Variants in CFAP77 observed in about 807,000 individuals in gnomAD.
The protein encoded by CFAP77 is cilia and flagella associated protein 77.
Under a neutral mutation model 31.1 loss-of-function variants are expected in CFAP77, and 25 were observed. The observed-to-expected ratio is 0.80, with a 90% CI of 0.59 to 1.12. CFAP77 has a LOEUF of 1.12. Ranked by LOEUF, CFAP77 falls within the 50% of genes most tolerant of loss-of-function variation. The pLI is 0.00. For missense variants in CFAP77, 377 were observed against 397.3 expected (o/e 0.95, Z 0.44); for synonymous variants, 151 against 159.9 (o/e 0.94, Z 0.42).
chr9:132,498,849 C>A lies in CFAP77; in HGVS notation c.295+55C>A. ...AGAGGAGTGGGAGGGAGGCTCACCC[C>A]TCTTCACAGACCCCTTGACCTAGCT... On this transcript the variant is annotated intron_variant, in intron 2 of 5. Transcript: ENST00000393216. This position sits in a 1 kb window ranked among gnomAD's most constrained non-coding sequence, Gnocchi z 4.2. The A allele has an allele frequency of 7.7e-7, 1 of 1,292,744 alleles. No homozygotes were observed. Among genetic ancestry groups the A allele is most frequent in the Non-Finnish European group, 1.1e-6 (1 of 908,368 alleles). 80.1% of individuals were successfully genotyped at this position (1,292,744 alleles called of 1,614,324 possible).
At chr9:132,560,113 A>G (rs1852969420) in intron 5 of CFAP77, among the ~76,000 whole-genome samples, 1 of 152,252 alleles carries the variant, frequency 6.6e-6, no homozygotes, top group Non-Finnish European at 1.5e-5. Flanking sequence ...GGTGGGTTGT[A>G]CAATCCTAAG....
chr9:132,523,912 C>T (rs1004159546), intron 3 of CFAP77, among the ~76,000 whole-genome samples: 6 of 152,190 alleles, frequency 3.9e-5, no homozygotes, highest in Non-Finnish European at 4.4e-5. Flanking sequence ...TCCCAGGCTC[C>T]AGGATGAATG....
intron 5 of CFAP77, among the ~76,000 whole-genome samples, chr9:132,561,215 T>G (rs537109627): frequency 6.6e-6 from 1 of 152,252 alleles, no homozygotes; most frequent in Non-Finnish European, 1.5e-5. Context: ...TGCCTCTCAT[T>G]AGAGGAGACA....
At chr9:132,484,218 G>A (rs774775125) in intron 1 of CFAP77, among the ~76,000 whole-genome samples, 19 of 152,090 alleles carry the variant, frequency 1.2e-4, no homozygotes, top group Non-Finnish European at 2.6e-4. Context: ...GATTACAGGT[G>A]TGAGCCACTG....
At chr9:132,472,948 A>G (rs185941987) in intron 1 of CFAP77, among the ~76,000 whole-genome samples, 1 of 152,232 alleles carries the variant, frequency 6.6e-6, no homozygotes, top group African/African-American at 2.4e-5. Flanking sequence ...AGTGACTGAT[A>G]AAGAAAAGAG....
At chr9:132,425,060 TTAACCAACAGGCCTGATCTGGCC>T (rs1432281797) in intron 1 of CFAP77, among the ~76,000 whole-genome samples, 2 of 152,224 alleles carry the variant, frequency 1.3e-5, no homozygotes, top group African/African-American at 4.8e-5. Context: ...ATTAATTTCT[TTAACCAACAGGCCTGATCTGGCC>T]TAACTCATTA....
chr9:132,449,407 G>C (rs1850783833), intron 1 of CFAP77, among the ~76,000 whole-genome samples: 1 of 150,018 alleles, frequency 6.7e-6, no homozygotes, highest in African/African-American at 2.5e-5. Context: ...CCTAGAATTT[G>C]ATATAAATGG....
At chr9:132,453,251 G>T (rs138730617) in intron 1 of CFAP77, among the ~76,000 whole-genome samples, 12 of 152,306 alleles carry the variant, frequency 7.9e-5, no homozygotes, top group African/African-American at 2.9e-4. Flanking sequence ...TAGGCCGGGC[G>T]CAGTGGCTCA....
chr9:132,521,313 G>C (rs1852261001), intron 3 of CFAP77, among the ~76,000 whole-genome samples: 1 of 152,210 alleles, frequency 6.6e-6, no homozygotes, highest in African/African-American at 2.4e-5. Context: ...CCAAGGAAAA[G>C]CCCATTTCTT....
At chr9:132,492,670 C>T (rs543958) in intron 1 of CFAP77, among the ~76,000 whole-genome samples, 30,252 of 152,150 alleles carry the variant, frequency 0.2, 3,663 homozygotes, top group African/African-American at 0.33. Context: ...GGTTACACCA[C>T]GTTACAGGAT....
intron 1 of CFAP77, among the ~76,000 whole-genome samples, chr9:132,417,807 T>A (rs1850131334): frequency 6.6e-6 from 1 of 152,226 alleles, no homozygotes; most frequent in Non-Finnish European, 1.5e-5. Flanking sequence ...TTCTCAGCAA[T>A]TGACTTTAAG....
chr9:132,429,944 T>C (rs1850383889), intron 1 of CFAP77, among the ~76,000 whole-genome samples: 1 of 152,026 alleles, frequency 6.6e-6, no homozygotes, highest in South Asian at 2.1e-4. Flanking sequence ...TCAGTTAACC[T>C]TGGAAGGGAA....
At chr9:132,418,076 A>G (rs1850138095) in intron 1 of CFAP77, among the ~76,000 whole-genome samples, 1 of 152,178 alleles carries the variant, frequency 6.6e-6, no homozygotes, top group Non-Finnish European at 1.5e-5. Context: ...GGGTACTAAG[A>G]CCTACCCTAC....
intron 3 of CFAP77, among the ~76,000 whole-genome samples, chr9:132,523,254 A>T (rs1268478015): frequency 6.6e-6 from 1 of 151,748 alleles, no homozygotes; most frequent in Non-Finnish European, 1.5e-5. Flanking sequence ...TGCCCGGTTA[A>T]TTTTTGTATT....
intron 1 of CFAP77, among the ~76,000 whole-genome samples, chr9:132,436,835 T>C (rs1850512480): frequency 6.6e-6 from 1 of 152,170 alleles, no homozygotes; most frequent in Admixed American, 6.5e-5. Context: ...CAAAATTATA[T>C]GTCTAGTATG....
intron 1 of CFAP77, among the ~76,000 whole-genome samples, chr9:132,462,756 CA>C (rs1375348000): frequency 3.9e-5 from 6 of 152,030 alleles, no homozygotes; most frequent in Non-Finnish European, 7.4e-5. Flanking sequence ...GCAGAGGTTG[CA>C]GTGAGCCGAG....
In CFAP77 at chr9:132,517,141, G is replaced by C. The variant is rs1240667876; in HGVS notation, c.524+17541G>C. Reference sequence around the variant, plus strand: ...ATGGATCGGGTGTCGATTTCGTATCGTGGAGAGAAGCCCAGCCCTCCAGCC... The same window carrying C: ...ATGGATCGGGTGTCGATTTCGTATCCTGGAGAGAAGCCCAGCCCTCCAGCC... On this transcript the variant is annotated intron_variant, in intron 3 of 5. Coordinates refer to ENST00000393216, the MANE Select transcript of CFAP77 (RefSeq NM_001282957.2). The surrounding 1 kb of genome is among the most constrained non-coding windows in gnomAD (Gnocchi z 4.7). 6.6e-6 allele frequency among the ~76,000 whole-genome samples: 1 copy of C among 151,992 alleles called. No homozygotes were observed. The highest frequency in any genetic ancestry group is 1.5e-5 in the Non-Finnish European group (1 of 67,998).
chr9:132,415,365 A>AC (rs35819530), intron 1 of CFAP77, among the ~76,000 whole-genome samples: 2,615 of 150,924 alleles, frequency 0.017, 76 homozygotes, highest in African/African-American at 0.059. Flanking sequence ...CAGGAAACTA[A>AC]CCCCCCCGCC....
rs371318151 is a variant in CFAP77 at position 132,499,023 on chromosome 9, C to T, written c.295+229C>T. On this transcript the variant is annotated intron_variant, in intron 2 of 5. Transcript: ENST00000393216. This position sits in a 1 kb window ranked among gnomAD's most constrained non-coding sequence, Gnocchi z 5.4. The stretch of plus-strand genomic sequence containing the variant: ...GTCAGGGAACTAGCATGGGTATCCC[C>T]GCACCGCCCCCCTTCCCCGCCGCCG... Among the ~76,000 whole-genome samples, 148 of 145,440 alleles carry T rather than the reference C, an allele frequency of 1.0e-3. No homozygotes were observed. The highest frequency in any genetic ancestry group is 3.1e-3 in the African/African-American group (119 of 38,532).
Sources: gnomAD v4.1 joint callset for allele counts (sites outside exome capture counted in the v4.1 genomes callset) on GRCh38, gnomAD v4.1.1 for gene constraint, Gnocchi (gnomAD v3.1) non-coding constraint, MANE v1.5 for transcripts, NCBI Gene and HGNC (gene_info 2026-07-23, HGNC 2026-07-21) for gene names.